PAK5: variants seen among roughly 807,000 people sequenced by gnomAD.
PAK5 encodes the protein serine/threonine-protein kinase PAK 5.
PAK5 carries 16 observed loss-of-function variants against 65.9 expected under a neutral mutation model. That is an observed-to-expected ratio of 0.24 (90% CI 0.16 to 0.37). The LOEUF is 0.37. Among genes scored for constraint, PAK5 ranks in the 10% least tolerant of loss-of-function variants. The pLI, the probability that PAK5 is intolerant of heterozygous loss-of-function variation, is 1.00. For synonymous variants in PAK5, 371 were observed against 354.9 expected, an observed-to-expected ratio of 1.05 and a Z score of -0.51; for missense variants, 785 against 903.9, an observed-to-expected ratio of 0.87 and a Z score of 1.69.
chr20:9,651,217 T>C (rs2047199187), intron 2 of PAK5, among the ~76,000 whole-genome samples: 1 of 152,172 alleles, frequency 6.6e-6, no homozygotes, highest in Non-Finnish European at 1.5e-5. Context: ...ATGGGAATAA[T>C]AATATTCTCC....
chr20:9,759,524 C>T (rs1373850363), intron 1 of PAK5, among the ~76,000 whole-genome samples: 1 of 152,100 alleles, frequency 6.6e-6, no homozygotes, highest in Non-Finnish European at 1.5e-5. Context: ...TGGCCACACC[C>T]CAGTGATTCA....
chr20:9,558,072 T>A (rs376056302), intron 6 of PAK5, among the ~76,000 whole-genome samples: 1 of 94,802 alleles, frequency 1.1e-5, no homozygotes, highest in Non-Finnish European at 1.9e-5. Flanking sequence ...TCATTCATTC[T>A]TTGAGATGGA....
intron 2 of PAK5, among the ~76,000 whole-genome samples, chr20:9,655,253 A>C (rs539403459): frequency 6.6e-6 from 1 of 152,364 alleles, no homozygotes; most frequent in South Asian, 2.1e-4. Context: ...TCTAACAAAA[A>C]GAAGCATACA....
At chr20:9,778,542 C>G (rs2048909528) in intron 1 of PAK5, among the ~76,000 whole-genome samples, 1 of 152,174 alleles carries the variant, frequency 6.6e-6, no homozygotes, top group Admixed American at 6.5e-5. Context: ...CAGGCCAATA[C>G]TTTGGGAGAT....
At chr20:9,637,003 A>G (rs2046990290) in intron 3 of PAK5, among the ~76,000 whole-genome samples, 1 of 152,088 alleles carries the variant, frequency 6.6e-6, no homozygotes, top group Non-Finnish European at 1.5e-5. Context: ...AAACTGATAA[A>G]CTTATTAATT....
At chr20:9,664,990 G>A (rs1051934380) in intron 2 of PAK5, among the ~76,000 whole-genome samples, 4 of 151,686 alleles carry the variant, frequency 2.6e-5, no homozygotes, top group African/African-American at 7.3e-5. Flanking sequence ...CATGATCATG[G>A]CCCTGAATTC....
chr20:9,658,548 G>C (rs1446974316), intron 2 of PAK5, among the ~76,000 whole-genome samples: 4 of 152,190 alleles, frequency 2.6e-5, no homozygotes, highest in Admixed American at 1.3e-4. Context: ...GGGGAAATTA[G>C]TCTGCTTTTC....
At position 9,565,961 on chromosome 20, in the gene PAK5, C is replaced by T. The variant is rs763093827; in HGVS notation, c.1414G>A (p.Gly472Arg). ...ATTTTCTTCACTGCAACTTGTTTCC[C>T]TGTGTGTTTCTCGGTGGCGATGCAT... Reference protein sequence around the residue: ...IVCIATEKHTGKQVAVKKMDL... With the variant: ...IVCIATEKHTRKQVAVKKMDL... The change falls in exon 5 of 10, where the codon GGG (glycine) becomes AGG (arginine). Residue 472 changes from glycine (G) to arginine (R), a missense_variant. Gly to Arg is a moderately radical substitution (Grantham distance 125). This residue lies in a region of PAK5 where 182 missense variants were observed against 273.0 expected (regional missense o/e 0.67). Transcript: ENST00000353224. 2 of 1,613,826 alleles carry T rather than the reference C, an allele frequency of 1.2e-6. No homozygotes were observed. Among genetic ancestry groups the T allele is most frequent in the South Asian group, 1.1e-5 (1 of 91,046 alleles).
At chr20:9,703,208 G>T (rs765995259) in intron 2 of PAK5, among the ~76,000 whole-genome samples, 1 of 152,194 alleles carries the variant, frequency 6.6e-6, no homozygotes, top group African/African-American at 2.4e-5. Context: ...ATCGGGATCA[G>T]CTCCAAGTGT....
At chr20:9,697,423 T>C (rs2047883620) in intron 2 of PAK5, among the ~76,000 whole-genome samples, 1 of 152,050 alleles carries the variant, frequency 6.6e-6, no homozygotes, top group African/African-American at 2.4e-5. Flanking sequence ...AAATATGCTA[T>C]TCCCTGTATC....
intron 3 of PAK5, among the ~76,000 whole-genome samples, chr20:9,623,027 A>G (rs1317716910): frequency 3.3e-5 from 5 of 152,252 alleles, no homozygotes; most frequent in African/African-American, 1.2e-4. Context: ...AATTCTAATA[A>G]TAATTTAGTG....
At chr20:9,556,190 G>T (rs1466347161) in intron 7 of PAK5, among the ~76,000 whole-genome samples, 1 of 152,180 alleles carries the variant, frequency 6.6e-6, no homozygotes, top group Non-Finnish European at 1.5e-5. Flanking sequence ...CAATGCAATG[G>T]TTAAAGCAAT....
At chr20:9,748,615 T>C (rs2048536739) in intron 1 of PAK5, among the ~76,000 whole-genome samples, 1 of 152,126 alleles carries the variant, frequency 6.6e-6, no homozygotes. Flanking sequence ...CTACAATATA[T>C]ACAACATACT....
intron 1 of PAK5, among the ~76,000 whole-genome samples, chr20:9,760,889 G>A (rs1469323225): frequency 6.6e-6 from 1 of 151,834 alleles, no homozygotes; most frequent in African/African-American, 2.4e-5. Flanking sequence ...GGCCAAACTG[G>A]TCTCAAACTC....
intron 2 of PAK5, among the ~76,000 whole-genome samples, chr20:9,658,873 A>T (rs1003493065): frequency 6.6e-6 from 1 of 152,220 alleles, no homozygotes; most frequent in Non-Finnish European, 1.5e-5. Flanking sequence ...ATACACTAAG[A>T]ATAAACCCTA....
intron 2 of PAK5, among the ~76,000 whole-genome samples, chr20:9,707,845 A>G (rs1184580722): frequency 6.6e-6 from 1 of 152,164 alleles, no homozygotes; most frequent in Non-Finnish European, 1.5e-5. Context: ...CTGTCAGCAG[A>G]CTACAGAGCA....
Position 9,539,413 on chromosome 20 carries a change from A to T in PAK5, c.*49T>A. Reference sequence around the variant, plus strand: ...TCTGTGTTTCCTTTTGTTCTCCTGAATTATTCTCATGTCCTCATCTAGCTT... The same window carrying T: ...TCTGTGTTTCCTTTTGTTCTCCTGATTTATTCTCATGTCCTCATCTAGCTT... On this transcript the variant is annotated 3_prime_UTR_variant, in exon 10 of 10. Coordinates refer to ENST00000353224, the MANE Select transcript of PAK5 (RefSeq NM_177990.4). The T allele has an allele frequency of 6.3e-7, 1 of 1,574,870 alleles. No individual in the cohort carries two copies. The highest frequency in any genetic ancestry group is 8.7e-7 in the Non-Finnish European group (1 of 1,146,664).
chr20:9,707,572 G>T (rs2048024408), intron 2 of PAK5, among the ~76,000 whole-genome samples: 1 of 152,084 alleles, frequency 6.6e-6, no homozygotes, highest in Non-Finnish European at 1.5e-5. Context: ...TAACCAGGAG[G>T]TACAGTCTAT....
intron 6 of PAK5, among the ~76,000 whole-genome samples, chr20:9,558,312 A>G (rs1218828776): frequency 6.6e-6 from 1 of 151,994 alleles, no homozygotes; most frequent in East Asian, 1.9e-4. Flanking sequence ...GGGTTTCACC[A>G]TATTGGCCAG....
Sources: gnomAD v4.1 joint callset for allele counts (sites outside exome capture counted in the v4.1 genomes callset) on GRCh38, gnomAD v4.1.1 for gene constraint, gnomAD v4.1.1 regional missense constraint, MANE v1.5 for transcripts, NCBI Gene and HGNC (gene_info 2026-07-23, HGNC 2026-07-21) for gene names.